Variants in EYA4 observed in about 807,000 individuals in gnomAD.
EYA4 encodes EYA transcriptional coactivator and phosphatase 4.
EYA4 carries 31 observed loss-of-function variants against 87.9 expected under a neutral mutation model. The observed-to-expected ratio is 0.35, with a 90% CI of 0.27 to 0.48. The LOEUF (loss-of-function observed/expected upper bound fraction) is 0.48. Among genes scored for constraint, EYA4 ranks in the 20% least tolerant of loss-of-function variants. The pLI is 0.99. For missense variants in EYA4, 678 were observed against 761.4 expected (o/e 0.89, Z 1.29); for synonymous variants, 263 against 270.6 (o/e 0.97, Z 0.28).
chr6:133,326,166 G>A lies in EYA4; in HGVS notation c.33+51353G>A, dbSNP rs1056591965. Among the ~76,000 whole-genome samples the A allele has an allele frequency of 3.9e-5, 6 of 152,208 alleles. No individual in the cohort carries two copies. The South Asian group carries it at 1.2e-3, about 31-fold the overall frequency. On this transcript the variant is annotated intron_variant, in intron 2 of 19. Transcript: ENST00000355286. Reference sequence around the variant, plus strand: ...GCCTTTCACCCTTCTGGCCAGAGCAGCCTGGTTCCAGAGCCAGCCTTGACC... The same window carrying A: ...GCCTTTCACCCTTCTGGCCAGAGCAACCTGGTTCCAGAGCCAGCCTTGACC...
intron 14 of EYA4, among the ~76,000 whole-genome samples, chr6:133,507,010 C>T (rs1273882802): frequency 1.3e-5 from 2 of 148,434 alleles, no homozygotes; most frequent in Admixed American, 1.3e-4. Flanking sequence ...TTTCAGATGG[C>T]ATGTTTAAAT....
intron 3 of EYA4, among the ~76,000 whole-genome samples, chr6:133,427,668 T>C (rs1030575705): frequency 2.6e-5 from 4 of 151,932 alleles, no homozygotes; most frequent in African/African-American, 9.7e-5. Context: ...TGGAGAACCA[T>C]TTTTTTTAAG....
At chr6:133,441,153 A>G (rs1792243387) in intron 3 of EYA4, among the ~76,000 whole-genome samples, 1 of 152,032 alleles carries the variant, frequency 6.6e-6, no homozygotes, top group African/African-American at 2.4e-5. Context: ...CTTATACTCA[A>G]TTAAGTTTCC....
At chr6:133,263,640 G>A (rs1423005179) in intron 1 of EYA4, among the ~76,000 whole-genome samples, 1 of 152,142 alleles carries the variant, frequency 6.6e-6, no homozygotes, top group Non-Finnish European at 1.5e-5. Flanking sequence ...TCTGTGGGAG[G>A]GAGATATGTT....
intron 3 of EYA4, among the ~76,000 whole-genome samples, chr6:133,403,681 C>G (rs1361712438): frequency 1.3e-5 from 2 of 152,152 alleles, no homozygotes; most frequent in Non-Finnish European, 2.9e-5. Context: ...CCACTCAAAT[C>G]TGGATAAATC....
intron 1 of EYA4, among the ~76,000 whole-genome samples, chr6:133,250,250 T>C (rs1379563847): frequency 1.3e-5 from 2 of 152,212 alleles, no homozygotes; most frequent in Non-Finnish European, 2.9e-5. Flanking sequence ...AGTGATCTGG[T>C]GGATAAGCCA....
chr6:133,314,785 G>A (rs17301914), intron 2 of EYA4, among the ~76,000 whole-genome samples: 66,293 of 151,966 alleles, frequency 0.44, 15,174 homozygotes, highest in Non-Finnish European at 0.52. Flanking sequence ...GTTAAAACAT[G>A]TTTAGCTCCT....
At chr6:133,356,749 G>A (rs1411925515) in intron 2 of EYA4, among the ~76,000 whole-genome samples, 1 of 13,708 alleles carries the variant, frequency 7.3e-5, no homozygotes, top group Non-Finnish European at 1.2e-4. Flanking sequence ...ATTATTCAGT[G>A]TGTGTGTGTG....
intron 1 of EYA4, among the ~76,000 whole-genome samples, chr6:133,271,980 T>A (rs1314438940): frequency 6.6e-6 from 1 of 152,198 alleles, no homozygotes; most frequent in Non-Finnish European, 1.5e-5. Flanking sequence ...AGTTTTCCAA[T>A]CCCGCTTCTT....
intron 2 of EYA4, among the ~76,000 whole-genome samples, chr6:133,356,151 GCTC>G (rs753877393): frequency 4.6e-5 from 7 of 152,038 alleles, no homozygotes; most frequent in Non-Finnish European, 8.8e-5. Context: ...TGATGACCCT[GCTC>G]CTCATGACGT....
chr6:133,469,547 A>G (rs993057184), intron 11 of EYA4, among the ~76,000 whole-genome samples: 2 of 152,054 alleles, frequency 1.3e-5, no homozygotes, highest in East Asian at 3.9e-4. Flanking sequence ...ATGCATATAT[A>G]TGCTAGAAAA....
intron 2 of EYA4, among the ~76,000 whole-genome samples, chr6:133,334,933 C>G (rs1294026330): frequency 1.3e-5 from 2 of 152,144 alleles, no homozygotes; most frequent in Non-Finnish European, 2.9e-5. Flanking sequence ...ACATATAGCT[C>G]TAGCTAATAA....
chr6:133,488,758 G>GT (rs1796891399), intron 13 of EYA4, among the ~76,000 whole-genome samples: 1 of 152,168 alleles, frequency 6.6e-6, no homozygotes, highest in South Asian at 2.1e-4. Flanking sequence ...CAACACCCAA[G>GT]TTCCTTCAGA....
At chr6:133,504,601 A>G (rs1339666088) in intron 13 of EYA4, among the ~76,000 whole-genome samples, 2 of 152,148 alleles carry the variant, frequency 1.3e-5, no homozygotes, top group Non-Finnish European at 2.9e-5. Context: ...TTTAATTCCT[A>G]TTCTCCAGGT....
intron 2 of EYA4, among the ~76,000 whole-genome samples, chr6:133,367,523 G>A (rs966220900): frequency 3.3e-5 from 5 of 152,178 alleles, no homozygotes; most frequent in Non-Finnish European, 1.5e-5. Context: ...TACCAGTGTA[G>A]TACTGACAAT....
At chr6:133,372,843 T>C (rs995749976) in intron 2 of EYA4, among the ~76,000 whole-genome samples, 2 of 151,892 alleles carry the variant, frequency 1.3e-5, no homozygotes, top group Admixed American at 6.6e-5. Flanking sequence ...ATTCTATCAA[T>C]TTGTTTTTAA....
At chr6:133,417,170 A>C (rs1789787315) in intron 3 of EYA4, among the ~76,000 whole-genome samples, 1 of 152,210 alleles carries the variant, frequency 6.6e-6, no homozygotes, top group Admixed American at 6.5e-5. Flanking sequence ...AATCTACTGA[A>C]TTTATTGATG....
chr6:133,449,771 A>G (rs1373953504), intron 5 of EYA4, among the ~76,000 whole-genome samples: 1 of 152,200 alleles, frequency 6.6e-6, no homozygotes, highest in Non-Finnish European at 1.5e-5. Context: ...TCCTTTCTTT[A>G]ATTAGTAATG....
chr6:133,290,941 A>G (rs1479348533), intron 2 of EYA4, among the ~76,000 whole-genome samples: 2 of 152,182 alleles, frequency 1.3e-5, no homozygotes, highest in African/African-American at 4.8e-5. Flanking sequence ...TACTATATAT[A>G]AAGATTAATG....
Sources: gnomAD v4.1 joint callset for allele counts (sites outside exome capture counted in the v4.1 genomes callset) on GRCh38, gnomAD v4.1.1 for gene constraint, MANE v1.5 for transcripts, NCBI Gene and HGNC (gene_info 2026-07-23, HGNC 2026-07-21) for gene names.